The following RARB variants were observed in gnomAD, a reference collection of about 807,000 sequenced individuals.
RARB encodes HBV-activated protein.
In RARB, 17 loss-of-function variants were observed where a neutral mutation model predicts 51.9. The observed-to-expected ratio is 0.33, with a 90% CI of 0.22 to 0.49. The LOEUF (loss-of-function observed/expected upper bound fraction) is 0.49, where lower values mean the gene tolerates loss of function less well. RARB is among the 20% of genes least tolerant of loss of function. The probability of loss-of-function intolerance (pLI) is 0.99; values close to 1 mark genes in which losing one functional copy is unlikely to be tolerated. For synonymous variants in RARB, 215 were observed against 195.4 expected (o/e 1.10, Z -0.84); for missense variants, 369 against 550.8 (o/e 0.67, Z 3.30).
At chr3:25,448,967 G>C (rs1482302826) in intron 1 of RARB, among the ~76,000 whole-genome samples, 1 of 151,960 alleles carries the variant, frequency 6.6e-6, no homozygotes, top group African/African-American at 2.4e-5. Flanking sequence ...TGTAGACAGT[G>C]ACAGAAAAGC....
chr3:25,021,152 A>G (rs1019850109), intron 2 of RARB, among the ~76,000 whole-genome samples: 3 of 152,194 alleles, frequency 2.0e-5, no homozygotes, highest in Non-Finnish European at 4.4e-5. Flanking sequence ...TTTCAACACT[A>G]TTGTTTGAAA....
intron 3 of RARB, among the ~76,000 whole-genome samples, chr3:25,105,515 G>C (rs1699482665): frequency 6.6e-6 from 1 of 151,362 alleles, no homozygotes; most frequent in Non-Finnish European, 1.5e-5. Flanking sequence ...TGATATAATA[G>C]CCTTAGTTCT....
At chr3:25,021,746 G>A (rs868311966) in intron 2 of RARB, among the ~76,000 whole-genome samples, 3 of 151,876 alleles carry the variant, frequency 2.0e-5, no homozygotes, top group South Asian at 4.1e-4. Context: ...ATGTCCAAAT[G>A]TTGTACTGAG....
chr3:25,503,177 T>C (rs1273647786), intron 3 of RARB, among the ~76,000 whole-genome samples: 2 of 152,250 alleles, frequency 1.3e-5, no homozygotes, highest in East Asian at 1.9e-4. Context: ...CATTTGAAGA[T>C]AGGAAGCTAA....
intron 3 of RARB, among the ~76,000 whole-genome samples, chr3:25,564,353 C>A (rs747364010): frequency 1.3e-5 from 2 of 152,186 alleles, no homozygotes; most frequent in African/African-American, 4.8e-5. Context: ...TATGGAGCAC[C>A]TTTCATCCAA....
At chr3:25,147,186 A>G (rs1184061120) in intron 4 of RARB, among the ~76,000 whole-genome samples, 3 of 152,158 alleles carry the variant, frequency 2.0e-5, no homozygotes, top group African/African-American at 7.2e-5. Flanking sequence ...TTGGGTTGCA[A>G]CCCAGGTATC....
At chr3:25,281,631 T>A (rs760076288) in intron 5 of RARB, among the ~76,000 whole-genome samples, 1 of 152,218 alleles carries the variant, frequency 6.6e-6, no homozygotes, top group African/African-American at 2.4e-5. Context: ...GTGAGATCAA[T>A]TAATTAGAAG....
intron 2 of RARB, among the ~76,000 whole-genome samples, chr3:25,499,837 G>A (rs532297588): frequency 3.7e-4 from 56 of 152,222 alleles, no homozygotes; most frequent in African/African-American, 1.3e-3. Flanking sequence ...GATACAAAAT[G>A]GTTCATTTCC....
rs574707623 is a variant in RARB at position 25,216,234 on chromosome 3, G to A, written c.178+41659G>A. 3.3e-5 allele frequency among the ~76,000 whole-genome samples: 5 copies of A among 152,112 alleles called. No homozygotes were observed. The East Asian group carries it at 7.7e-4, about 24-fold the overall frequency. On this transcript the variant is annotated intron_variant, in intron 5 of 11. Transcript: ENST00000383772. Reference sequence around the variant, plus strand: ...AACACAATCCTCTCCCCCACAAGAGGAATCACTGATTTCTTTGGTAATTCA... The same window carrying A: ...AACACAATCCTCTCCCCCACAAGAGAAATCACTGATTTCTTTGGTAATTCA...
intron 2 of RARB, among the ~76,000 whole-genome samples, chr3:25,029,707 G>A: frequency 6.6e-6 from 1 of 152,298 alleles, no homozygotes; most frequent in South Asian, 2.1e-4. Flanking sequence ...TCCTTTGAGA[G>A]GTGTGAGTCC....
chr3:25,097,256 T>C (rs935153062), intron 3 of RARB, among the ~76,000 whole-genome samples: 2 of 152,076 alleles, frequency 1.3e-5, no homozygotes, highest in Non-Finnish European at 2.9e-5. Context: ...CCAAACACTA[T>C]TTGATGACTG....
intron 3 of RARB, among the ~76,000 whole-genome samples, chr3:25,077,262 A>G (rs1698889790): frequency 6.6e-6 from 1 of 152,174 alleles, no homozygotes; most frequent in Non-Finnish European, 1.5e-5. Flanking sequence ...TTACATATAG[A>G]GTTTAAGAAA....
intron 5 of RARB, among the ~76,000 whole-genome samples, chr3:25,240,782 C>T (rs1702413313): frequency 6.6e-6 from 1 of 152,048 alleles, no homozygotes. Context: ...GGATATTAGC[C>T]TGTAGTTTTC....
At chr3:25,560,775 G>A (rs1426267041) in intron 3 of RARB, among the ~76,000 whole-genome samples, 2 of 151,972 alleles carry the variant, frequency 1.3e-5, no homozygotes, top group African/African-American at 4.8e-5. Flanking sequence ...ACATCTCAAA[G>A]CTTTTGTGTA....
intron 1 of RARB, among the ~76,000 whole-genome samples, chr3:25,457,112 G>A (rs147446169): frequency 1.1e-3 from 161 of 151,528 alleles, no homozygotes; most frequent in African/African-American, 3.3e-3. Flanking sequence ...TTTTAAAATG[G>A]CAATTCCTAG....
chr3:25,305,975 C>T (rs1181083052), intron 5 of RARB, among the ~76,000 whole-genome samples: 5 of 152,182 alleles, frequency 3.3e-5, no homozygotes, highest in African/African-American at 1.2e-4. Flanking sequence ...TTAAGAAAGA[C>T]ACCATCTAAT....
intron 2 of RARB, among the ~76,000 whole-genome samples, chr3:25,024,595 T>C (rs1289434256): frequency 6.6e-6 from 1 of 152,010 alleles, no homozygotes; most frequent in East Asian, 1.9e-4. Context: ...ATATAAGAGG[T>C]AGTCCATTGG....
chr3:24,897,359 T>G (rs140926375), intron 2 of RARB, among the ~76,000 whole-genome samples: 116 of 152,286 alleles, frequency 7.6e-4, no homozygotes, highest in African/African-American at 2.6e-3. Context: ...GCATGTGTAG[T>G]GTAGTTTTTG....
intron 3 of RARB, among the ~76,000 whole-genome samples, chr3:25,081,749 C>T (rs1420025967): frequency 6.8e-6 from 1 of 146,308 alleles, no homozygotes; most frequent in Non-Finnish European, 1.5e-5. Flanking sequence ...TCTCCTGCCT[C>T]AGCCTCCTGA....
Sources: allele counts gnomAD v4.1 joint callset (sites outside exome capture counted in the v4.1 genomes callset), GRCh38; gene constraint gnomAD v4.1.1; transcripts MANE v1.5; gene names NCBI Gene and HGNC (gene_info 2026-07-23, HGNC 2026-07-21).